The following BACH1 variants were observed in gnomAD, a reference collection of about 807,000 sequenced individuals.
The protein encoded by BACH1 is transcription regulator protein BACH1.
BACH1 carries 35 observed loss-of-function variants against 52.9 expected under a neutral mutation model. The ratio of observed to expected loss-of-function variants is 0.66; its 90% confidence interval spans 0.51 to 0.88. BACH1 has a LOEUF of 0.88. BACH1 is among the 40% of genes least tolerant of loss of function. BACH1 has a pLI of 0.00. For synonymous variants in BACH1, 321 were observed against 319.6 expected (o/e 1.00, Z -0.05); for missense variants, 808 against 872.6 (o/e 0.93, Z 0.93).
Position 29,314,126 on chromosome 21 carries a change from C to G in BACH1, c.-60-7095C>G, listed in dbSNP as rs562482304. Among the ~76,000 whole-genome samples, 5 of 152,298 alleles carry G rather than the reference C, an allele frequency of 3.3e-5. No individual in the cohort carries two copies. The East Asian group carries it at 7.7e-4, about 24-fold the overall frequency. On this transcript the variant is annotated intron_variant, in intron 1 of 4. Coordinates refer to ENST00000286800, the MANE Select transcript of BACH1 (RefSeq NM_001186.4). ...AACAATCCTATTCAGAATCAAGTAGCAGCCAAATATGTTAAGCAAATAAAA... is the reference window on the plus strand; with the variant it reads ...AACAATCCTATTCAGAATCAAGTAGGAGCCAAATATGTTAAGCAAATAAAA...
intron 4 of BACH1, among the ~76,000 whole-genome samples, chr21:29,333,806 T>A (rs2089012470): frequency 6.6e-6 from 1 of 152,184 alleles, no homozygotes; most frequent in Admixed American, 6.5e-5. Flanking sequence ...TATAAAGGAA[T>A]AAAGGACACT....
chr21:29,354,768 A>G, intron 2 of BACH1, among the ~76,000 whole-genome samples: 1 of 152,236 alleles, frequency 6.6e-6, no homozygotes, highest in East Asian at 1.9e-4. Context: ...GACATGTAAG[A>G]CTTCTGCTCA....
intron 2 of BACH1, among the ~76,000 whole-genome samples, chr21:29,356,063 A>G (rs1169020669): frequency 2.0e-5 from 3 of 152,208 alleles, no homozygotes; most frequent in Non-Finnish European, 4.4e-5. Context: ...ATTTCTTGCA[A>G]ACTATCTGAG....
At chr21:29,337,619 C>G (rs991664091) in intron 4 of BACH1, among the ~76,000 whole-genome samples, 3 of 152,004 alleles carry the variant, frequency 2.0e-5, no homozygotes, top group Non-Finnish European at 4.4e-5. Flanking sequence ...TTTTCCTCAT[C>G]AACTTTATAA....
At chr21:29,307,666 G>A (rs2088674632) in intron 1 of BACH1, among the ~76,000 whole-genome samples, 1 of 152,088 alleles carries the variant, frequency 6.6e-6, no homozygotes, top group Non-Finnish European at 1.5e-5. Flanking sequence ...AAAAAGCATA[G>A]TATATATATA....
At chr21:29,322,137 G>A (rs537207323) in intron 2 of BACH1, among the ~76,000 whole-genome samples, 45 of 152,204 alleles carry the variant, frequency 3.0e-4, no homozygotes, top group Non-Finnish European at 5.4e-4. Context: ...GGAAAGACCC[G>A]CCCCTGTGAT....
At chr21:29,316,602 G>A (rs1253421677) in intron 1 of BACH1, among the ~76,000 whole-genome samples, 4 of 152,204 alleles carry the variant, frequency 2.6e-5, no homozygotes, top group Non-Finnish European at 5.9e-5. Flanking sequence ...TGAAGGTGCC[G>A]TTCTTGTCTG....
In BACH1 at chr21:29,326,272, T is replaced by A; in HGVS notation, c.448T>A (p.Cys150Ser). 6.2e-7 allele frequency: 1 copy of A among 1,614,084 alleles called. No individual in the cohort carries two copies. The highest frequency in any genetic ancestry group is 8.5e-7 in the Non-Finnish European group (1 of 1,180,006). ...AAGAAAAAAATGCTTTTCATCACAC[T>A]GTCAGAAAACAGACCTTAAACTTTC... The part of the protein sequence containing the change: ...CPRKKCFSSH[C>S]QKTDLKLSLL... Residue 150 changes from cysteine to serine, a missense_variant, in exon 3 of 5, where the codon TGT becomes AGT. Physicochemically the swap from Cys to Ser is moderately radical, Grantham distance 112. Transcript: ENST00000286800.
intron 4 of BACH1, among the ~76,000 whole-genome samples, chr21:29,335,836 CTGCTGTCT>C (rs1911174571): frequency 6.6e-6 from 1 of 152,142 alleles, no homozygotes; most frequent in Non-Finnish European, 1.5e-5. Flanking sequence ...TGTTCCTGTC[CTGCTGTCT>C]TGCTGGCTGT....
chr21:29,348,752 T>A (rs1280349483), downstream of BACH1, among the ~76,000 whole-genome samples: 1 of 152,022 alleles, frequency 6.6e-6, no homozygotes, highest in African/African-American at 2.4e-5. Context: ...CCAGAATGCA[T>A]GTTTAGGCCT....
chr21:29,309,024 G>A (rs1029719570), intron 1 of BACH1, among the ~76,000 whole-genome samples: 26 of 152,124 alleles, frequency 1.7e-4, no homozygotes, highest in African/African-American at 3.4e-4. Context: ...ATGGGAGGGC[G>A]AGGCAGGCAG....
chr21:29,316,601 C>T (rs911274555), intron 1 of BACH1, among the ~76,000 whole-genome samples: 19 of 152,096 alleles, frequency 1.2e-4, no homozygotes, highest in African/African-American at 4.1e-4. Flanking sequence ...ATGAAGGTGC[C>T]GTTCTTGTCT....
chr21:29,324,434 T>C (rs2088885569), intron 2 of BACH1, among the ~76,000 whole-genome samples: 1 of 152,138 alleles, frequency 6.6e-6, no homozygotes, highest in African/African-American at 2.4e-5. Context: ...ATAAATGGAA[T>C]TATGCAGTAT....
At chr21:29,358,909 C>G (rs974564190) in intron 2 of BACH1, 3 of 151,962 alleles carry the variant, frequency 2.0e-5, no homozygotes, top group African/African-American at 7.3e-5. Context: ...AACTGGCATT[C>G]TAACACAAGG....
At chr21:29,361,585 G>A (rs769775198) in intron 2 of BACH1, 1 of 152,126 alleles carries the variant, frequency 6.6e-6, no homozygotes, top group East Asian at 1.9e-4. Context: ...CCTACGATCC[G>A]ATCACCAGCC....
intron 2 of BACH1, among the ~76,000 whole-genome samples, chr21:29,322,890 A>T (rs1327601754): frequency 6.6e-6 from 1 of 152,236 alleles, no homozygotes; most frequent in Non-Finnish European, 1.5e-5. Flanking sequence ...ACATTTTATA[A>T]TGGAGATGTA....
Position 29,326,523 on chromosome 21 carries a change from A to G in BACH1, c.699A>G (p.Ala233=), listed in dbSNP as rs2088913550. 1 of 1,614,224 alleles carries G rather than the reference A, an allele frequency of 6.2e-7. No individual in the cohort carries two copies. Among genetic ancestry groups the G allele is most frequent in the Non-Finnish European group, 8.5e-7 (1 of 1,180,036 alleles). Residue 233 remains alanine, a synonymous_variant, in exon 3 of 5, where the codon GCA becomes GCG. Transcript: ENST00000286800. ...LCPKYRKFQK[A]FGTDRVRTGE... ...CCAAATACAGAAAATTCCAAAAAGC[A>G]TTTGGAACTGACAGAGTCCGTACTG... is the stretch of plus-strand genomic sequence containing the variant.
downstream of BACH1, among the ~76,000 whole-genome samples, chr21:29,347,642 C>G (rs1051632539): frequency 6.6e-6 from 1 of 152,192 alleles, no homozygotes; most frequent in Non-Finnish European, 1.5e-5. Context: ...CCTCCTCTCA[C>G]CTTTGAGGCC....
intron 4 of BACH1, among the ~76,000 whole-genome samples, chr21:29,333,938 T>C (rs1178072484): frequency 6.6e-6 from 1 of 152,282 alleles, no homozygotes; most frequent in African/African-American, 2.4e-5. Flanking sequence ...AAGGTGTTTA[T>C]TTATTTGGTG....
Sources: gnomAD v4.1 joint callset for allele counts (sites outside exome capture counted in the v4.1 genomes callset) on GRCh38, gnomAD v4.1.1 for gene constraint, MANE v1.5 for transcripts, NCBI Gene and HGNC (gene_info 2026-07-23, HGNC 2026-07-21) for gene names.